The following SCAI variants were observed in gnomAD, a reference collection of about 807,000 sequenced individuals.
SCAI encodes suppressor of cancer cell invasion, also known as protein SCAI.
In SCAI, 24 loss-of-function variants were observed where a neutral mutation model predicts 92.2. That is an observed-to-expected ratio of 0.26 (90% CI 0.19 to 0.37). The LOEUF (loss-of-function observed/expected upper bound fraction) is 0.37, where lower values mean the gene tolerates loss of function less well. Ranked by LOEUF, SCAI falls within the 10% of genes least tolerant of loss-of-function variation. SCAI has a pLI of 1.00. For missense variants in SCAI, 450 were observed against 736.2 expected, an observed-to-expected ratio of 0.61 and a Z score of 4.50; for synonymous variants, 261 against 258.6, an observed-to-expected ratio of 1.01 and a Z score of -0.09.
intron 14 of SCAI, among the ~76,000 whole-genome samples, chr9:124,988,649 T>C (rs1832046895): frequency 6.6e-6 from 1 of 150,758 alleles, no homozygotes; most frequent in African/African-American, 2.4e-5. Flanking sequence ...AAAGAAAAAA[T>C]GTATTAAAGA....
intron 13 of SCAI, among the ~76,000 whole-genome samples, chr9:124,999,584 T>C (rs1271866127): frequency 6.6e-6 from 1 of 152,174 alleles, no homozygotes; most frequent in Non-Finnish European, 1.5e-5. Flanking sequence ...CCTGACATAT[T>C]ATTTATTTAT....
chr9:124,983,319 C>G (rs935256332), intron 14 of SCAI, among the ~76,000 whole-genome samples: 2 of 152,082 alleles, frequency 1.3e-5, no homozygotes, highest in African/African-American at 4.8e-5. Flanking sequence ...AAAACTCTAT[C>G]TTCTGGAGCT....
intron 17 of SCAI, among the ~76,000 whole-genome samples, chr9:124,955,440 C>T (rs1238814924): frequency 2.6e-5 from 4 of 151,784 alleles, no homozygotes; most frequent in African/African-American, 9.7e-5. Flanking sequence ...TGGCCTTATT[C>T]GTTTTTTAGT....
chr9:125,128,680 G>A (rs1835329866), intron 2 of SCAI, among the ~76,000 whole-genome samples: 1 of 151,966 alleles, frequency 6.6e-6, no homozygotes, highest in Non-Finnish European at 1.5e-5. Flanking sequence ...ATGAACCCAG[G>A]AGGCAGAGCT....
Position 125,066,420 on chromosome 9 carries a change from T to C in SCAI, c.99-10413A>G, listed in dbSNP as rs148279033. On this transcript the variant is annotated intron_variant, in intron 2 of 17. Coordinates refer to ENST00000336505, the MANE Select transcript of SCAI (RefSeq NM_001144877.3). The stretch of plus-strand genomic sequence containing the variant: ...GCTCCATTCATGGTAAGTGCCCTGA[T>C]AGGTATACCATTTTTTATTTTATTT... Among the ~76,000 whole-genome samples, 390 of 152,082 alleles carry C rather than the reference T, an allele frequency of 2.6e-3. 3 individuals carry two copies. The highest frequency in any genetic ancestry group is 9.1e-3 in the African/African-American group (376 of 41,530).
chr9:125,100,915 C>CA (rs1834664616), intron 2 of SCAI, among the ~76,000 whole-genome samples: 1 of 152,156 alleles, frequency 6.6e-6, no homozygotes, highest in South Asian at 2.1e-4. Context: ...TGAGCAACAG[C>CA]AAAACACTGA....
At chr9:124,958,612 G>A (rs943497724) in intron 17 of SCAI, among the ~76,000 whole-genome samples, 2 of 151,924 alleles carry the variant, frequency 1.3e-5, no homozygotes, top group African/African-American at 4.8e-5. Flanking sequence ...ATTCCTAGAA[G>A]AAAATAGGAG....
intron 2 of SCAI, among the ~76,000 whole-genome samples, chr9:125,094,116 T>C (rs1734931381): frequency 6.6e-6 from 1 of 152,226 alleles, no homozygotes. Context: ...CAAGATGATC[T>C]TTTAAAATAT....
At chr9:125,007,857 T>TC (rs1445135095) in intron 9 of SCAI, among the ~76,000 whole-genome samples, 1 of 151,880 alleles carries the variant, frequency 6.6e-6, no homozygotes, top group Non-Finnish European at 1.5e-5. Context: ...TTTTTCTTTT[T>TC]TTTTTTGAGA....
At chr9:124,974,827 A>T (rs10760384) in intron 15 of SCAI, among the ~76,000 whole-genome samples, 32,168 of 152,094 alleles carry the variant, frequency 0.21, 3,777 homozygotes, top group African/African-American at 0.29. Flanking sequence ...TACTATTATT[A>T]TTTCCATTTG....
intron 9 of SCAI, among the ~76,000 whole-genome samples, chr9:125,009,629 G>A (rs757635234): frequency 9.9e-5 from 15 of 151,764 alleles, no homozygotes; most frequent in African/African-American, 2.4e-4. Context: ...GCTCACACCC[G>A]TAATCCCAAC....
intron 6 of SCAI, 122 bp downstream of exon 6, chr9:125,026,690 A>T: frequency 1.8e-6 from 1 of 549,768 alleles, no homozygotes; most frequent in Non-Finnish European, 3.2e-6. Context: ...CATAGCAGGC[A>T]CTCAATAAAG....
intron 3 of SCAI, among the ~76,000 whole-genome samples, chr9:125,034,674 G>A (rs1444358087): frequency 1.3e-5 from 2 of 152,144 alleles, no homozygotes; most frequent in Admixed American, 1.3e-4. Flanking sequence ...CATTGAGCCC[G>A]AAGATCAAGT....
chr9:125,109,175 T>C (rs1026932423), intron 2 of SCAI, among the ~76,000 whole-genome samples: 17 of 152,000 alleles, frequency 1.1e-4, no homozygotes, highest in African/African-American at 3.9e-4. Flanking sequence ...TCGTTAAGAG[T>C]CATCACCACT....
At chr9:125,098,708 TG>T (rs1834615087) in intron 2 of SCAI, among the ~76,000 whole-genome samples, 2 of 152,228 alleles carry the variant, frequency 1.3e-5, no homozygotes, top group Admixed American at 6.5e-5. Context: ...ACTTCTGTGG[TG>T]GTGTTTTTCC....
At position 124,963,428 on chromosome 9, in the gene SCAI, C is replaced by T. The variant is rs570723500; in HGVS notation, c.1674+7942G>A. 2.6e-5 allele frequency among the ~76,000 whole-genome samples: 4 copies of T among 152,034 alleles called. No homozygotes were observed. The East Asian group carries it at 5.9e-4, about 22-fold the overall frequency. On this transcript the variant is annotated intron_variant, in intron 17 of 17. Coordinates refer to ENST00000336505, the MANE Select transcript of SCAI (RefSeq NM_001144877.3). ...GGATTACAGGCGTGAGCCACAGCGC[C>T]GGGCTGAGAAAAGAAAATGTTACTA...
At chr9:125,073,271 AT>A (rs1834019092) in intron 2 of SCAI, among the ~76,000 whole-genome samples, 1 of 149,196 alleles carries the variant, frequency 6.7e-6, no homozygotes, top group Non-Finnish European at 1.5e-5. Flanking sequence ...CGCCCGGCTA[AT>A]TTTTTGTATT....
chr9:125,092,651 C>G (rs59918571), intron 2 of SCAI, among the ~76,000 whole-genome samples: 3,344 of 152,294 alleles, frequency 0.022, 126 homozygotes, highest in African/African-American at 0.076. Flanking sequence ...CACTGTTATT[C>G]AAGGACATCA....
At chr9:125,029,543 AG>A (rs1334306617) in intron 4 of SCAI, 100 bp downstream of exon 4, 33 of 582,422 alleles carry the variant, frequency 5.7e-5, no homozygotes, top group African/African-American at 4.9e-4. Flanking sequence ...GTGAAAAAAA[AG>A]AAAAAGCACC....
Sources: allele counts gnomAD v4.1 joint callset (sites outside exome capture counted in the v4.1 genomes callset), GRCh38; gene constraint gnomAD v4.1.1; transcripts MANE v1.5; gene names NCBI Gene and HGNC (gene_info 2026-07-23, HGNC 2026-07-21).